The following BTD variants were observed in gnomAD, a reference collection of about 807,000 sequenced individuals.
BTD encodes biotinidase.
BTD carries 13 observed loss-of-function variants against 17.7 expected under a neutral mutation model. The ratio of observed to expected loss-of-function variants is 0.74; its 90% confidence interval spans 0.48 to 1.17. The LOEUF is 1.17. Among genes scored for constraint, BTD ranks in the 50% most tolerant of loss-of-function variants. The probability of loss-of-function intolerance (pLI) is 0.00; values close to 1 mark genes in which losing one functional copy is unlikely to be tolerated. For synonymous variants in BTD, 240 were observed against 245.2 expected (o/e 0.98, Z 0.20); for missense variants, 674 against 650.4 (o/e 1.04, Z -0.39).
At position 15,686,496 on chromosome 3, in the gene BTD, G is replaced by A. The variant is rs930121253; in HGVS notation, c.400-23564G>A. The A allele has an allele frequency of 9.5e-5, 57 of 598,194 alleles. No homozygotes were observed. In the African/African-American group the frequency reaches 1.0e-3, roughly 11 times the overall value. The allele number at this position is 598,194 out of a possible 1,614,324, so 37.1% of individuals were successfully genotyped here. On this transcript the variant is annotated intron_variant, in intron 3 of 3. Transcript: ENST00000672141. ...TGACTGTTAAAGCTGGAATAAATGT[G>A]AATTCCTCACAGTAAAACATGACAG...
At chr3:15,721,866 T>A (rs919210673) in exon 5 of BTD, among the ~76,000 whole-genome samples, 1 of 152,088 alleles carries the variant, frequency 6.6e-6, no homozygotes, top group African/African-American at 2.4e-5. Context: ...TGCCTCAGCC[T>A]CCTGAGTAAC....
At chr3:15,630,177 G>A (rs989733213) in intron 1 of BTD, 1 of 715,784 alleles carries the variant, frequency 1.4e-6, no homozygotes, top group African/African-American at 1.9e-5. Context: ...TGCTTTCTGG[G>A]TCTTGTTTAA....
chr3:15,624,396 CT>C (rs1050045756), intron 1 of BTD, among the ~76,000 whole-genome samples: 1 of 151,800 alleles, frequency 6.6e-6, no homozygotes, highest in African/African-American at 2.4e-5. Flanking sequence ...TGATTTTTTT[CT>C]TTTTTTCAGT....
rs2125524659 is a variant in BTD at position 15,650,540 on chromosome 3, G to A, written c.*5052G>A. 6.6e-6 allele frequency among the ~76,000 whole-genome samples: 1 copy of A among 152,258 alleles called. No individual in the cohort carries two copies. The highest frequency in any genetic ancestry group is 3.4e-3 in the Middle Eastern group (1 of 294). ...GGCTCAAATGGTGTCTCTGGACACA[G>A]TATCACACTCTACTCTGCACTCTTC... On this transcript the variant is annotated 3_prime_UTR_variant, in exon 4 of 4. Coordinates refer to ENST00000643237, the MANE Select transcript of BTD (RefSeq NM_001370658.1).
chr3:15,636,472 G>C (rs1014152105), intron 2 of BTD, among the ~76,000 whole-genome samples: 1 of 152,204 alleles, frequency 6.6e-6, no homozygotes, highest in South Asian at 2.1e-4. Context: ...ATCAGAGGTT[G>C]CCTAAGAAAA....
chr3:15,708,145 TC>T, intron 3 of BTD: 1 of 1,444,240 alleles, frequency 6.9e-7, no homozygotes, highest in South Asian at 1.3e-5. Context: ...CTCTTACTCC[TC>T]CCAGTTACAA....
chr3:15,692,598 G>A (rs1204188461), intron 3 of BTD, among the ~76,000 whole-genome samples: 1 of 152,228 alleles, frequency 6.6e-6, no homozygotes, highest in Non-Finnish European at 1.5e-5. Context: ...ACTAAAATTA[G>A]GAATCAAGGC....
intron 3 of BTD, among the ~76,000 whole-genome samples, chr3:15,708,464 G>C (rs1480317586): frequency 2.0e-5 from 3 of 151,332 alleles, no homozygotes; most frequent in Admixed American, 1.3e-4. Flanking sequence ...CTCAGAAGAA[G>C]AACAAAAGGT....
chr3:15,633,389 C>T (rs571500692), intron 1 of BTD, among the ~76,000 whole-genome samples: 32 of 152,276 alleles, frequency 2.1e-4, no homozygotes, highest in Admixed American at 1.6e-3. Context: ...CTCTTATTAT[C>T]GACCTACCTT....
intron 1 of BTD, among the ~76,000 whole-genome samples, chr3:15,603,097 A>G (rs573045398): frequency 6.6e-6 from 1 of 152,284 alleles, no homozygotes; most frequent in South Asian, 2.1e-4. Flanking sequence ...CCTCCCCATG[A>G]TTCAGTTACT....
chr3:15,675,194 C>A (rs1481028958), intron 3 of BTD, among the ~76,000 whole-genome samples: 1 of 152,098 alleles, frequency 6.6e-6, no homozygotes, highest in Non-Finnish European at 1.5e-5. Flanking sequence ...TCGCTTGAAC[C>A]CAGGAGGCGG....
At chr3:15,616,509 G>A (rs915453939) in intron 1 of BTD, among the ~76,000 whole-genome samples, 3 of 151,932 alleles carry the variant, frequency 2.0e-5, no homozygotes, top group Admixed American at 1.3e-4. Flanking sequence ...CCAGCTACTC[G>A]GGTGGCTGAG....
Position 15,690,653 on chromosome 3 carries a change from C to T in BTD, c.400-19407C>T, listed in dbSNP as rs150997332. ...GATCATAGCTCACTGCAGCCTTGAC[C>T]TTCTGGGCTTAAGTGATCCTCCCAC... On this transcript the variant is annotated intron_variant, in intron 3 of 3. Coordinates refer to the BTD transcript ENST00000672141. Among the ~76,000 whole-genome samples, 618 of 152,310 alleles carry T rather than the reference C, an allele frequency of 4.1e-3. 1 individual carries two copies. The highest frequency in any genetic ancestry group is 0.023 in the East Asian group (118 of 5,188).
rs1418737676 is a variant in BTD at position 15,612,790 on chromosome 3, GTC to G, written c.-17+10900_-17+10901del. Among the ~76,000 whole-genome samples the G allele has an allele frequency of 2.0e-5, 3 of 151,358 alleles. No homozygotes were observed. In the South Asian group the frequency reaches 6.2e-4, roughly 31 times the overall value. Reference sequence around the variant, plus strand: ...AACAAGACCCATTTATTATCTCAAAGTCTCTATGTGTCAGGAGTCTGAGCATA... The same window carrying G: ...AACAAGACCCATTTATTATCTCAAAGTCTATGTGTCAGGAGTCTGAGCATA... On this transcript the variant is annotated intron_variant, in intron 1 of 3. Transcript: ENST00000643237.
intron 1 of BTD, among the ~76,000 whole-genome samples, chr3:15,625,193 G>GTT (rs2065037230): frequency 6.6e-6 from 1 of 152,186 alleles, no homozygotes; most frequent in Non-Finnish European, 1.5e-5. Context: ...TGTCTTTAGG[G>GTT]ATCTTTAGGG....
intron 4 of BTD, among the ~76,000 whole-genome samples, chr3:15,720,117 G>A (rs2073541147): frequency 6.6e-6 from 1 of 151,984 alleles, no homozygotes; most frequent in South Asian, 2.1e-4. Flanking sequence ...TCCTACCCTG[G>A]CCTCCCAAAG....
At chr3:15,692,320 G>T (rs2068919218) in intron 3 of BTD, among the ~76,000 whole-genome samples, 1 of 152,044 alleles carries the variant, frequency 6.6e-6, no homozygotes, top group Non-Finnish European at 1.5e-5. Context: ...ATGGTGGTGT[G>T]CACCTATAGT....
chr3:15,609,643 A>G (rs2064557573), intron 1 of BTD, among the ~76,000 whole-genome samples: 1 of 152,206 alleles, frequency 6.6e-6, no homozygotes, highest in African/African-American at 2.4e-5. Context: ...CATTTCTCTG[A>G]CTACAAATGA....
At chr3:15,694,346 A>C (rs772282586) in intron 3 of BTD, among the ~76,000 whole-genome samples, 6 of 152,132 alleles carry the variant, frequency 3.9e-5, no homozygotes, top group Admixed American at 6.5e-5. Flanking sequence ...AGTAAGCAAA[A>C]AATTGTAGAA....
Sources: gnomAD v4.1 joint callset for allele counts (sites outside exome capture counted in the v4.1 genomes callset) on GRCh38, gnomAD v4.1.1 for gene constraint, MANE v1.5 for transcripts, NCBI Gene and HGNC (gene_info 2026-07-23, HGNC 2026-07-21) for gene names.